TAF1: variants seen among roughly 807,000 people sequenced by gnomAD.
The protein encoded by TAF1 is transcription initiation factor TFIID subunit 1.
A neutral mutation model predicts 138.5 loss-of-function variants in TAF1; 2 were observed. The observed-to-expected ratio is 0.01, with a 90% CI of 0.01 to 0.05. The LOEUF (loss-of-function observed/expected upper bound fraction) is 0.05. Among genes scored for constraint, TAF1 ranks in the 10% least tolerant of loss-of-function variants. The pLI is 1.00. For synonymous variants in TAF1, 437 were observed against 503.2 expected, an observed-to-expected ratio of 0.87 and a Z score of 1.76; for missense variants, 709 against 1,478.0, an observed-to-expected ratio of 0.48 and a Z score of 8.53.
At chrX:71,460,914 T>A (rs1433489061) in intron 37 of TAF1, 111 bp downstream of exon 37, 4 of 1,039,068 alleles carry the variant, frequency 3.8e-6, no homozygotes, top group Non-Finnish European at 5.3e-6. Flanking sequence ...GGGCACCTAC[T>A]AGGGCCAGGC....
chrX:71,477,722 G>A (rs1037020596), intron 13 of TAF1, among the ~76,000 whole-genome samples: 4 of 112,224 alleles, frequency 3.6e-5, no homozygotes, highest in Admixed American at 9.5e-5. Flanking sequence ...AGCCGGGCAC[G>A]GTGGCATACG....
chrX:71,474,821 TTGAAGA>T (rs1487627741), intron 13 of TAF1, among the ~76,000 whole-genome samples: 57 of 111,677 alleles, frequency 5.1e-4, no homozygotes, highest in African/African-American at 1.7e-3. Context: ...TAGCTGAGAC[TTGAAGA>T]TGAGAAAGAG....
At chrX:71,493,175 G>A (rs1193104160) in intron 13 of TAF1, among the ~76,000 whole-genome samples, 1 of 110,824 alleles carries the variant, frequency 9.0e-6, no homozygotes, top group Non-Finnish European at 1.9e-5. Flanking sequence ...CGCCATGCCC[G>A]GCTAATTTTT....
chrX:71,389,814 G>A, intron 18 of TAF1, 149 bp downstream of exon 18: 1 of 404,353 alleles, frequency 2.5e-6, no homozygotes, highest in East Asian at 4.5e-5. Flanking sequence ...CAGAAAAAAT[G>A]ATGCGATATA....
intron 13 of TAF1, among the ~76,000 whole-genome samples, chrX:71,510,112 T>A (rs1434672717): frequency 4.5e-5 from 5 of 111,209 alleles, no homozygotes; most frequent in Non-Finnish European, 9.4e-5. Context: ...CAGTGAACCA[T>A]GATCATGCCA....
At chrX:71,420,863 T>C (rs1394673852) in intron 28 of TAF1, among the ~76,000 whole-genome samples, 1 of 112,190 alleles carries the variant, frequency 8.9e-6, no homozygotes, top group Non-Finnish European at 1.9e-5. Context: ...GCCGTTCCCG[T>C]AGTCCCCTAC....
At chrX:71,372,939 T>C (rs911569535) in intron 3 of TAF1, among the ~76,000 whole-genome samples, 15 of 110,942 alleles carry the variant, frequency 1.4e-4, no homozygotes, top group African/African-American at 4.6e-4. Context: ...CGATCTCAGC[T>C]CACTGCAAGC....
intron 35 of TAF1, 125 bp from the exon 36 acceptor site, chrX:71,459,422 TACTTA>T (rs764929449): frequency 6.3e-5 from 65 of 1,029,857 alleles, no homozygotes; most frequent in Non-Finnish European, 4.7e-5. Context: ...CAAAAATAAT[TACTTA>T]ACTTCTTGTG....
At chrX:71,503,324 G>GTATATATATATATATATA (rs1425087903) in intron 13 of TAF1, among the ~76,000 whole-genome samples, 2 of 92,772 alleles carry the variant, frequency 2.2e-5, no homozygotes, top group African/African-American at 8.9e-5. Context: ...ATATATATGT[G>GTATATATATATATATATA]TGTGTATATA....
At chrX:71,505,920 T>C (rs1344020762) in intron 13 of TAF1, among the ~76,000 whole-genome samples, 4 of 110,959 alleles carry the variant, frequency 3.6e-5, no homozygotes, top group Non-Finnish European at 5.7e-5. Context: ...CTCGGGAGGC[T>C]GAGGCAGGAG....
chrX:71,380,663 G>A (rs2033822246), intron 8 of TAF1, among the ~76,000 whole-genome samples: 1 of 111,802 alleles, frequency 8.9e-6, no homozygotes, highest in Non-Finnish European at 1.9e-5. Context: ...AACATAGAAA[G>A]CTGGATTACT....
intron 8 of TAF1, among the ~76,000 whole-genome samples, chrX:71,379,393 G>A (rs1199335822): frequency 9.2e-6 from 1 of 109,019 alleles, no homozygotes; most frequent in East Asian, 2.9e-4. Flanking sequence ...GGGATTACAG[G>A]TGTGAGCCAC....
chrX:71,389,528 AC>A, intron 17 of TAF1, 56 bp from the exon 18 acceptor site: 1 of 1,041,590 alleles, frequency 9.6e-7, no homozygotes, highest in South Asian at 2.0e-5. Context: ...TAAAAAAAAA[AC>A]TTGTGCTTTG....
At chrX:71,516,335 G>T (rs1243586503) in intron 13 of TAF1, among the ~76,000 whole-genome samples, 1 of 105,887 alleles carries the variant, frequency 9.4e-6, no homozygotes, top group Non-Finnish European at 1.9e-5. Flanking sequence ...GCCTCCGAAA[G>T]TCCTGGGATT....
At chrX:71,428,383 CTA>C (rs2036705573) in intron 32 of TAF1, among the ~76,000 whole-genome samples, 1 of 111,470 alleles carries the variant, frequency 9.0e-6, no homozygotes, top group Non-Finnish European at 1.9e-5. Flanking sequence ...CATTGAGAGA[CTA>C]AAATAAATTG....
chrX:71,420,295 G>C (rs774165822), intron 28 of TAF1: 2 of 1,098,820 alleles, frequency 1.8e-6, no homozygotes, highest in Non-Finnish European at 2.5e-6. Flanking sequence ...CCTCTAAATA[G>C]GGAGTCATCT....
intron 17 of TAF1, 112 bp from the exon 18 acceptor site, chrX:71,389,473 T>C (rs2034432924): frequency 1.8e-6 from 1 of 565,103 alleles, no homozygotes; most frequent in Non-Finnish European, 2.9e-6. Context: ...CTTTATGGAA[T>C]CCATCTATGC....
intron 37 of TAF1, among the ~76,000 whole-genome samples, chrX:71,461,353 G>GT (rs1354471753): frequency 1.8e-5 from 2 of 111,418 alleles, no homozygotes; most frequent in Admixed American, 9.6e-5. Flanking sequence ...GGCATGCTAA[G>GT]ACCTTTGGAC....
At position 71,464,058 on chromosome X, in the gene TAF1, G is replaced by A. The variant is rs1426766890; in HGVS notation, c.*12G>A. ...ACTCTGATGAATGAGGCTTCCTTTG[G>A]GCCTCCTTGGTCAGCCTTCCCTGTT... On this transcript the variant is annotated 3_prime_UTR_variant, in exon 38 of 38. Coordinates refer to ENST00000423759, the MANE Select transcript of TAF1 (RefSeq NM_004606.5). 8.5e-7 allele frequency: 1 copy of A among 1,172,823 alleles called. No individual in the cohort carries two copies. The highest frequency in any genetic ancestry group is 1.1e-6 in the Non-Finnish European group (1 of 873,973).
Sources: allele counts gnomAD v4.1 joint callset (sites outside exome capture counted in the v4.1 genomes callset), GRCh38; gene constraint gnomAD v4.1.1; transcripts MANE v1.5; gene names NCBI Gene and HGNC (gene_info 2026-07-23, HGNC 2026-07-21).